DOCK5: variants seen among roughly 807,000 people sequenced by gnomAD.
The protein encoded by DOCK5 is dedicator of cytokinesis protein 5.
Under a neutral mutation model 251.8 loss-of-function variants are expected in DOCK5, and 142 were observed. That is an observed-to-expected ratio of 0.56 (90% confidence interval 0.49 to 0.65). DOCK5 has a LOEUF of 0.65. Ranked by LOEUF, DOCK5 falls within the 30% of genes least tolerant of loss-of-function variation. DOCK5 has a pLI of 0.00. For missense variants in DOCK5, 2,111 were observed against 2,312.3 expected (o/e 0.91, Z 1.79); for synonymous variants, 842 against 835.5 (o/e 1.01, Z -0.13).
chr8:25,244,790 A>C (rs1251392309), intron 2 of DOCK5, among the ~76,000 whole-genome samples: 1 of 152,230 alleles, frequency 6.6e-6, no homozygotes, highest in Non-Finnish European at 1.5e-5. Flanking sequence ...CTATTACTGC[A>C]GCCTCCCTTT....
At chr8:25,251,889 T>C (rs1325459009) in intron 2 of DOCK5, among the ~76,000 whole-genome samples, 1 of 151,580 alleles carries the variant, frequency 6.6e-6, no homozygotes, top group Non-Finnish European at 1.5e-5. Flanking sequence ...CTTAGGAGAC[T>C]GAGGCACAAG....
chr8:25,245,640 A>G (rs538584559), intron 2 of DOCK5, among the ~76,000 whole-genome samples: 3 of 151,768 alleles, frequency 2.0e-5, no homozygotes, highest in Admixed American at 6.6e-5. Flanking sequence ...CCTGGGTTCA[A>G]GCGATTCTCA....
chr8:25,191,808 A>G (rs1801588567), intron 1 of DOCK5, among the ~76,000 whole-genome samples: 1 of 152,006 alleles, frequency 6.6e-6, no homozygotes, highest in African/African-American at 2.4e-5. Context: ...TCTAGGGTAC[A>G]TGTGCACAAC....
rs780906985 is a variant in DOCK5, at chr8:25,296,586, G to A, written c.544G>A (p.Ala182Thr). The A allele has an allele frequency of 6.2e-7, 1 of 1,612,546 alleles. No individual in the cohort carries two copies. The highest frequency in any genetic ancestry group is 8.5e-7 in the Non-Finnish European group (1 of 1,179,328). ...AGACCCTGACGAAACCAGCACCATT[G>A]CCCTCTTCAAGGCCCATGAGGTGGC... ...ILDPDETSTIALFKAHEVASK... is the reference protein window; with the variant it reads ...ILDPDETSTITLFKAHEVASK... Residue 182 changes from alanine (A) to threonine (T), a missense_variant, in exon 7 of 52, where the codon GCC becomes ACC. Coordinates refer to ENST00000276440, the MANE Select transcript of DOCK5 (RefSeq NM_024940.8).
intron 1 of DOCK5, among the ~76,000 whole-genome samples, chr8:25,194,129 C>A (rs145088213): frequency 1.3e-3 from 174 of 138,932 alleles, no homozygotes; most frequent in Non-Finnish European, 1.3e-3. Context: ...CTAAAAAATA[C>A]AAAAAAAAAA....
chr8:25,263,067 C>CT (rs1350731619), intron 2 of DOCK5, among the ~76,000 whole-genome samples: 1 of 151,924 alleles, frequency 6.6e-6, no homozygotes, highest in Admixed American at 6.6e-5. Flanking sequence ...GAGCTAATTC[C>CT]TTTTTTTCTT....
intron 2 of DOCK5, among the ~76,000 whole-genome samples, chr8:25,265,704 T>G (rs1803726449): frequency 6.6e-6 from 1 of 151,878 alleles, no homozygotes; most frequent in African/African-American, 2.4e-5. Context: ...TAATAAAGAT[T>G]TGTAGAATGA....
At chr8:25,274,781 C>T (rs1158048151) in intron 3 of DOCK5, among the ~76,000 whole-genome samples, 3 of 151,580 alleles carry the variant, frequency 2.0e-5, no homozygotes, top group African/African-American at 7.3e-5. Context: ...TGAGTTTGAA[C>T]TCTGCAGCAC....
At position 25,184,837 on chromosome 8, in the gene DOCK5, G is replaced by GGGCGGCGGC; in HGVS notation, c.-68_-60dup. On this transcript the variant is annotated 5_prime_UTR_variant, in exon 1 of 52. Coordinates refer to ENST00000276440, the MANE Select transcript of DOCK5 (RefSeq NM_024940.8). ...AGCGTCTGGGGCACGCAGGAGCGCG[G>GGGCGGCGGC]GGCGGCGGCGGCCGGAGCCCGAGGA... 2 of 1,246,644 alleles carry GGGCGGCGGC rather than the reference G, an allele frequency of 1.6e-6. No homozygotes were observed. The highest frequency in any genetic ancestry group is 6.3e-5 in the East Asian group (2 of 31,694). The allele number at this position is 1,246,644 out of a possible 1,614,324, so 77.2% of individuals were successfully genotyped here.
chr8:25,251,548 A>T (rs1306196816), intron 2 of DOCK5, among the ~76,000 whole-genome samples: 1 of 152,218 alleles, frequency 6.6e-6, no homozygotes, highest in Non-Finnish European at 1.5e-5. Flanking sequence ...AAAATGTATT[A>T]AGACTTGAGC....
Position 25,273,066 on chromosome 8 carries a change from C to T in DOCK5, c.169-2320C>T, listed in dbSNP as rs1586284610. On this transcript the variant is annotated intron_variant, in intron 3 of 51. Coordinates refer to ENST00000276440, the MANE Select transcript of DOCK5 (RefSeq NM_024940.8). ...AGATGATAGTCAGCAAATCATTTGCCGTGGCGCAGTGGCACAGTGGCACAG... is the reference window on the plus strand; with the variant it reads ...AGATGATAGTCAGCAAATCATTTGCTGTGGCGCAGTGGCACAGTGGCACAG... 2.0e-5 allele frequency among the ~76,000 whole-genome samples: 3 copies of T among 151,710 alleles called. No homozygotes were observed. In the East Asian group the frequency reaches 5.8e-4, roughly 29 times the overall value.
intron 5 of DOCK5, among the ~76,000 whole-genome samples, chr8:25,280,727 T>C (rs1804167722): frequency 6.6e-6 from 1 of 152,230 alleles, no homozygotes; most frequent in African/African-American, 2.4e-5. Flanking sequence ...GAAGAGAGAA[T>C]GCACATTAAG....
intron 11 of DOCK5, among the ~76,000 whole-genome samples, chr8:25,307,868 A>G (rs555086928): frequency 6.6e-6 from 1 of 152,364 alleles, no homozygotes; most frequent in African/African-American, 2.4e-5. Context: ...AAGCGCTACT[A>G]TAATCTACTT....
intron 25 of DOCK5, among the ~76,000 whole-genome samples, chr8:25,344,991 G>T (rs1459809023): frequency 1.3e-5 from 2 of 152,110 alleles, no homozygotes; most frequent in African/African-American, 2.4e-5. Context: ...CCACACGCCT[G>T]CACAGACATG....
At chr8:25,399,278 A>G (rs905700575) in intron 45 of DOCK5, among the ~76,000 whole-genome samples, 6 of 152,174 alleles carry the variant, frequency 3.9e-5, no homozygotes, top group Admixed American at 6.5e-5. Context: ...CTGGGGGGTC[A>G]TGAGTGTTTA....
rs746743155 is a variant in DOCK5 at position 25,323,877 on chromosome 8, G to T, written c.1645G>T (p.Val549Leu). The T allele has an allele frequency of 6.2e-7, 1 of 1,613,534 alleles. No individual in the cohort carries two copies. The highest frequency in any genetic ancestry group is 2.2e-5 in the East Asian group (1 of 44,874). The stretch of plus-strand genomic sequence containing the variant: ...AGATAAATCGGAGCGAGCATTTGGG[G>T]TGGCCTTCGTGAAGCTGATGAACCC... ...TRDKSERAFG[V>L]AFVKLMNPDG... The change falls in exon 17 of 52, where the codon GTG becomes TTG. Residue 549 changes from valine (V) to leucine (L), a missense_variant. By Grantham distance (32) the Val-to-Leu change is conservative (BLOSUM62 1). Around this residue, in one of 3 missense-constraint regions of DOCK5, gnomAD observed 1,717 missense variants for 1,892.4 expected, o/e 0.91. Coordinates refer to ENST00000276440, the MANE Select transcript of DOCK5 (RefSeq NM_024940.8).
At chr8:25,293,254 T>C (rs567620026) in intron 6 of DOCK5, among the ~76,000 whole-genome samples, 1 of 152,228 alleles carries the variant, frequency 6.6e-6, no homozygotes, top group South Asian at 2.1e-4. Flanking sequence ...GCTTTTCTAG[T>C]GTCGGAATTC....
intron 4 of DOCK5, among the ~76,000 whole-genome samples, chr8:25,277,953 C>A (rs1804090077): frequency 6.6e-6 from 1 of 152,142 alleles, no homozygotes; most frequent in African/African-American, 2.4e-5. Context: ...CATAAAAATG[C>A]CAGAGAGGAT....
chr8:25,374,752 T>C (rs1240850213), intron 37 of DOCK5, 98 bp downstream of exon 37: 1 of 1,607,658 alleles, frequency 6.2e-7, no homozygotes, highest in Admixed American at 1.7e-5. Flanking sequence ...AAGAACTTTA[T>C]TCCAGGAATA....
Sources: allele counts gnomAD v4.1 joint callset (sites outside exome capture counted in the v4.1 genomes callset), GRCh38; gene constraint gnomAD v4.1.1; regional missense constraint gnomAD v4.1.1; transcripts MANE v1.5; gene names NCBI Gene and HGNC (gene_info 2026-07-23, HGNC 2026-07-21).